The following RNF19B variants were observed in gnomAD, a reference collection of about 807,000 sequenced individuals.
RNF19B encodes E3 ubiquitin-protein ligase RNF19B.
Under a neutral mutation model 65.5 loss-of-function variants are expected in RNF19B, and 23 were observed. That is an observed-to-expected ratio of 0.35 (90% CI 0.25 to 0.50). The LOEUF (loss-of-function observed/expected upper bound fraction) is 0.50. RNF19B is among the 20% of genes least tolerant of loss of function. The pLI, the probability that RNF19B is intolerant of heterozygous loss-of-function variation, is 0.98. For missense variants in RNF19B, 794 were observed against 980.0 expected, an observed-to-expected ratio of 0.81 and a Z score of 2.53; for synonymous variants, 372 against 379.6, an observed-to-expected ratio of 0.98 and a Z score of 0.23.
At position 32,949,645 on chromosome 1, in the gene RNF19B, A is replaced by G. The variant is rs1253326120; in HGVS notation, c.765T>C (p.Arg255=). ...CTCGTAAAGTCTGGGCCCTCTGTTG[A>G]CGGGCCATATCGCATGTCTGATTTG... The part of the protein sequence containing the change: ...WHPNQTCDMA[R]QQRAQTLRVR... Residue 255 remains arginine (R), a synonymous_variant, in exon 2 of 9, where the codon CGT becomes CGC. Transcript: ENST00000235150. 1.9e-6 allele frequency: 3 copies of G among 1,613,744 alleles called. No individual in the cohort carries two copies. In the African/African-American group the frequency reaches 4.0e-5, roughly 22 times the overall value.
chr1:32,964,731 C>T lies in RNF19B; in HGVS notation c.-46G>A, dbSNP rs1421095305. ...CCAGGGGCGCCCAGCGCCGCCACAG[C>T]TCCCGCCTCAGCGCCCCTCAGCCAG... On this transcript the variant is annotated 5_prime_UTR_variant, in exon 1 of 9. Transcript: ENST00000235150. The surrounding 1 kb of genome is among the most constrained non-coding windows in gnomAD (Gnocchi z 6.5). 2 of 1,355,564 alleles carry T rather than the reference C, an allele frequency of 1.5e-6. No homozygotes were observed. The highest frequency in any genetic ancestry group is 9.5e-7 in the Non-Finnish European group (1 of 1,058,112). The allele number at this position is 1,355,564 out of a possible 1,614,324, so 84.0% of individuals were successfully genotyped here. A position where few individuals can be genotyped will look rare whatever the true frequency, so the allele number is the denominator to read the frequency against.
At chr1:32,951,028 AGGGTTT>A (rs1348229549) in intron 1 of RNF19B, among the ~76,000 whole-genome samples, 1 of 151,712 alleles carries the variant, frequency 6.6e-6, no homozygotes, top group East Asian at 1.9e-4. Context: ...TTGTAGAGAT[AGGGTTT>A]CACCATGTTG....
intron 1 of RNF19B, among the ~76,000 whole-genome samples, chr1:32,952,914 A>G (rs1009682385): frequency 6.6e-6 from 1 of 151,792 alleles, no homozygotes; most frequent in African/African-American, 2.4e-5. Context: ...TTCTGTCTAA[A>G]AAAAATAATA....
chr1:32,931,655 G>T (rs780055586), downstream of RNF19B, among the ~76,000 whole-genome samples: 4 of 152,218 alleles, frequency 2.6e-5, no homozygotes, highest in Admixed American at 2.0e-4. Context: ...TGATTTTGAT[G>T]TACATGAGCC....
intron 2 of RNF19B, among the ~76,000 whole-genome samples, 191 bp downstream of exon 2, chr1:32,949,378 T>C (rs1182152852): frequency 1.3e-5 from 2 of 152,186 alleles, no homozygotes; most frequent in Non-Finnish European, 2.9e-5. Flanking sequence ...TTTTATATAG[T>C]TGGATAACCT....
chr1:32,945,633 G>C lies in RNF19B; in HGVS notation c.1147-5C>G. On this transcript the variant is annotated splice_region_variant and splice_polypyrimidine_tract_variant and intron_variant, in intron 4 of 8. Coordinates refer to ENST00000235150, the MANE Select transcript of RNF19B (RefSeq NM_001300826.2). ...TCCCTCATACCTGCTGTGAATCTAAGAATAAAAAAAGAAAATCCAGGTCAG... is the reference window on the plus strand; with the variant it reads ...TCCCTCATACCTGCTGTGAATCTAACAATAAAAAAAGAAAATCCAGGTCAG... 1 of 1,576,766 alleles carries C rather than the reference G, an allele frequency of 6.3e-7. No individual in the cohort carries two copies. Among genetic ancestry groups the C allele is most frequent in the Non-Finnish European group, 8.7e-7 (1 of 1,147,374 alleles).
At chr1:32,935,021 G>T (rs1190561266), downstream of RNF19B, among the ~76,000 whole-genome samples, 1 of 151,178 alleles carries the variant, frequency 6.6e-6, no homozygotes, top group East Asian at 2.0e-4. Context: ...TAGTAGAGAC[G>T]GGGTTTCACC....
At chr1:32,946,172 CA>C (rs1642364017) in intron 4 of RNF19B, among the ~76,000 whole-genome samples, 1 of 152,112 alleles carries the variant, frequency 6.6e-6, no homozygotes, top group African/African-American at 2.4e-5. Flanking sequence ...ATGCCTGGCC[CA>C]GCATTCTACC....
Position 32,964,103 on chromosome 1 carries a change from G to A in RNF19B, c.583C>T (p.Arg195Cys). The A allele has an allele frequency of 1.3e-6, 2 of 1,531,738 alleles. No individual in the cohort carries two copies. Among genetic ancestry groups the A allele is most frequent in the Non-Finnish European group, 1.8e-6 (2 of 1,139,418 alleles). The allele number at this position is 1,531,738 out of a possible 1,614,324, so 94.9% of individuals were successfully genotyped here. A position where few individuals can be genotyped will look rare whatever the true frequency, so the allele number is the denominator to read the frequency against. Residue 195 changes from arginine (R) to cysteine (C), a missense_variant, in exon 1 of 9, where the codon CGC (arginine) becomes TGC (cysteine). By Grantham distance (180) the Arg-to-Cys change is radical. This residue lies in a region of RNF19B where 374 missense variants were observed against 423.8 expected (regional missense o/e 0.88). Transcript: ENST00000235150. This position sits in a 1 kb window ranked among gnomAD's most constrained non-coding sequence, Gnocchi z 6.5. ...CAGTCGGGGTCCGAGGCTAGGTAGC[G>A]GCGCAGCATGAACTCCTCGTACTTG... ...MHKYEEFMLRRYLASDPDCRW... is the reference protein window; with the variant it reads ...MHKYEEFMLRCYLASDPDCRW...
chr1:32,942,896 T>G (rs1642272160), intron 6 of RNF19B, among the ~76,000 whole-genome samples: 1 of 151,844 alleles, frequency 6.6e-6, no homozygotes, highest in African/African-American at 2.4e-5. Flanking sequence ...CTTCCAGCAC[T>G]TTGGGAGGCC....
At position 32,964,545 on chromosome 1, in the gene RNF19B, G is replaced by T; in HGVS notation, c.141C>A (p.Arg47=). The T allele has an allele frequency of 8.3e-7, 1 of 1,211,636 alleles. No homozygotes were observed. Among genetic ancestry groups the T allele is most frequent in the Non-Finnish European group, 1.0e-6 (1 of 966,676 alleles). The allele number at this position is 1,211,636 out of a possible 1,614,324, so 75.1% of individuals were successfully genotyped here. ...SVFSASARGR[R]ARAKPQAEPP... ...GCTCGGCCTGCGGCTTGGCCCGGGC[G>T]CGGCGGCCGCGGGCCGAGGCAGAGA... Residue 47 remains arginine, a synonymous_variant, in exon 1 of 9, where the codon CGC becomes CGA. Transcript: ENST00000235150. This position sits in a 1 kb window ranked among gnomAD's most constrained non-coding sequence, Gnocchi z 6.5.
intron 1 of RNF19B, among the ~76,000 whole-genome samples, chr1:32,953,053 A>C (rs971823515): frequency 8.6e-5 from 13 of 150,924 alleles, no homozygotes; most frequent in African/African-American, 3.2e-4. Context: ...TGCAACCTGA[A>C]ACTCCTGGGC....
Position 32,964,404 on chromosome 1 carries a change from CGCCGCGGCCTCCGCCTCG to C in RNF19B, c.264_281del (p.Glu89_Ala94del). On this transcript the variant is annotated inframe_deletion, in exon 1 of 9. Coordinates refer to ENST00000235150, the MANE Select transcript of RNF19B (RefSeq NM_001300826.2). This position sits in a 1 kb window ranked among gnomAD's most constrained non-coding sequence, Gnocchi z 6.5. ...CGTCGAACCCAGGCTCCGCCGCCGCCGCCGCGGCCTCCGCCTCGGCCTCGGCGGCCGGCTCGGCGGGCA... is the reference window on the plus strand; with the variant it reads ...CGTCGAACCCAGGCTCCGCCGCCGCCGCCTCGGCGGCCGGCTCGGCGGGCA... The C allele has an allele frequency of 3.1e-6, 4 of 1,283,866 alleles. No homozygotes were observed. The highest frequency in any genetic ancestry group is 3.9e-6 in the Non-Finnish European group (4 of 1,017,342). 79.5% of individuals were successfully genotyped at this position (1,283,866 alleles called of 1,614,324 possible). A position where few individuals can be genotyped will look rare whatever the true frequency, so the allele number is the denominator to read the frequency against.
intron 5 of RNF19B, 90 bp downstream of exon 5, chr1:32,945,424 G>A (rs1642344233): frequency 1.3e-6 from 1 of 778,114 alleles, no homozygotes; most frequent in Admixed American, 2.0e-5. Flanking sequence ...CGCATAAAAT[G>A]TAGGAGTCTT....
chr1:32,935,034 G>C (rs1369711347), downstream of RNF19B, among the ~76,000 whole-genome samples: 1 of 151,850 alleles, frequency 6.6e-6, no homozygotes, highest in Non-Finnish European at 1.5e-5. Context: ...GTTTCACCAT[G>C]TTGGCCAGGA....
At chr1:32,946,673 A>C in intron 3 of RNF19B, 109 bp from the exon 4 acceptor site, 1 of 949,458 alleles carries the variant, frequency 1.1e-6, no homozygotes, top group Admixed American at 2.8e-5. Flanking sequence ...TTAACAGAAG[A>C]GTTTATGGGA....
At chr1:32,935,126 A>G (rs781163648), downstream of RNF19B, among the ~76,000 whole-genome samples, 13 of 149,032 alleles carry the variant, frequency 8.7e-5, no homozygotes, top group South Asian at 4.3e-4. Flanking sequence ...CACTGCGCCC[A>G]GCCCATTATT....
At chr1:32,931,343 C>G in the RNF19B span, among the ~76,000 whole-genome samples, 1 of 152,066 alleles carries the variant, frequency 6.6e-6, no homozygotes, top group Admixed American at 6.6e-5. Flanking sequence ...GGATCTGACT[C>G]TAGTTAGAGC....
chr1:32,938,356 A>G (rs1642157557), intron 8 of RNF19B, 41 bp downstream of exon 8: 12 of 1,613,430 alleles, frequency 7.4e-6, no homozygotes, highest in Non-Finnish European at 1.0e-5. Flanking sequence ...GTACCCAACG[A>G]AAAAATGCAA....
Sources: allele counts gnomAD v4.1 joint callset (sites outside exome capture counted in the v4.1 genomes callset), GRCh38; gene constraint gnomAD v4.1.1; regional missense constraint gnomAD v4.1.1; non-coding constraint Gnocchi (gnomAD v3.1); transcripts MANE v1.5; gene names NCBI Gene and HGNC (gene_info 2026-07-23, HGNC 2026-07-21).